Variants in SPCS1 observed in about 807,000 individuals in gnomAD.
The protein encoded by SPCS1 is SPase 12 kDa subunit.
Under a neutral mutation model 16.4 loss-of-function variants are expected in SPCS1, and 10 were observed. The observed-to-expected ratio is 0.61, with a 90% CI of 0.38 to 1.03. The LOEUF is 1.03. Among genes scored for constraint, SPCS1 ranks in the 50% least tolerant of loss-of-function variants. The probability of loss-of-function intolerance (pLI) is 0.01; values close to 1 mark genes in which losing one functional copy is unlikely to be tolerated. For missense variants in SPCS1, 118 were observed against 123.8 expected (o/e 0.95, Z 0.22); for synonymous variants, 47 against 42.5 (o/e 1.10, Z -0.41).
chr3:52,707,573 T>G (rs947192845), intron 3 of SPCS1, 114 bp from the exon 4 acceptor site: 18 of 1,120,692 alleles, frequency 1.6e-5, no homozygotes, highest in African/African-American at 4.8e-5. Context: ...GGATTTTTTT[T>G]TTTGTTTTTT....
Position 52,707,810 on chromosome 3 carries a change from T to A in SPCS1, c.307T>A (p.Ter103ArgextTer14), listed in dbSNP as rs367696178. The A allele has an allele frequency of 1.5e-5, 24 of 1,613,862 alleles. No homozygotes were observed. Among genetic ancestry groups the A allele is most frequent in the Non-Finnish European group, 2.0e-5 (24 of 1,179,944 alleles). ...AATTAAGAGGCATGCTAAAAATAAT[T>A]GAGGTTTTCATGATTCAGCACCTGC... The part of the protein sequence containing the change: ...RKIKRHAKNN[*>R] The change falls in exon 4 of 4, where the codon TGA (stop) becomes AGA (arginine). Residue 103 changes from the stop codon to arginine, a stop_lost. Transcript: ENST00000619898.
Position 52,710,214 on chromosome 3 carries a change from A to AATT in SPCS1, c.*2404_*2406dup, listed in dbSNP as rs1410075685. 6.6e-6 allele frequency: 1 copy of AATT among 151,554 alleles called. No individual in the cohort carries two copies. Among genetic ancestry groups the AATT allele is most frequent in the Non-Finnish European group, 1.5e-5 (1 of 67,880 alleles). 9.4% of individuals were successfully genotyped at this position (151,554 alleles called of 1,614,324 possible). ...TGTCTCTACTAAAAAAATACAAAAA[A>AATT]ATTAGCCGGGCATGGTGGCGGGCAA... On this transcript the variant is annotated 3_prime_UTR_variant, in exon 4 of 4. Transcript: ENST00000619898.
At position 52,708,443 on chromosome 3, in the gene SPCS1, G is replaced by A. The variant is rs1188636012; in HGVS notation, c.*631G>A. 6.6e-6 allele frequency: 1 copy of A among 152,314 alleles called. No homozygotes were observed. The highest frequency in any genetic ancestry group is 6.5e-5 in the Admixed American group (1 of 15,298). 9.4% of individuals were successfully genotyped at this position (152,314 alleles called of 1,614,324 possible). ...CCCAGTACATAGAAGAGTACACGATGCATTGTTAAGTACTTAAGATTTATT... is the reference window on the plus strand; with the variant it reads ...CCCAGTACATAGAAGAGTACACGATACATTGTTAAGTACTTAAGATTTATT... On this transcript the variant is annotated 3_prime_UTR_variant, in exon 4 of 4. Transcript: ENST00000619898.
chr3:52,706,131 AAGGCCCGGCTACTGACGCGC>A lies in SPCS1; in HGVS notation c.-113_-94del. ...GCCGCCATCGCTCTCCCGGGCTTAG[AAGGCCCGGCTACTGACGCGC>A]AGTGCCAGACCTTACCCCTCACGGT... On this transcript the variant is annotated 5_prime_UTR_variant, in exon 1 of 4. Transcript: ENST00000619898. The A allele has an allele frequency of 6.5e-7, 1 of 1,540,400 alleles. No individual in the cohort carries two copies. Among genetic ancestry groups the A allele is most frequent in the Non-Finnish European group, 8.7e-7 (1 of 1,146,928 alleles).
chr3:52,706,946 C>T (rs781158462), intron 3 of SPCS1, 67 bp downstream of exon 3: 5 of 1,132,714 alleles, frequency 4.4e-6, no homozygotes, highest in Non-Finnish European at 6.7e-6. Context: ...GTTAGACCTA[C>T]TCAGTAGTGA....
rs1242573706 is a variant in SPCS1, at chr3:52,707,071, C to T, written c.183+192C>T. Reference sequence around the variant, plus strand: ...GTGCGAACTATATAAAAGGACACAGCTTATTTCCTTTGGCGGCTACTCTGG... The same window carrying T: ...GTGCGAACTATATAAAAGGACACAGTTTATTTCCTTTGGCGGCTACTCTGG... On this transcript the variant is annotated intron_variant, in intron 3 of 3. Coordinates refer to ENST00000619898, the MANE Select transcript of SPCS1 (RefSeq NM_014041.5). The T allele has an allele frequency of 8.4e-6, 5 of 596,038 alleles. No homozygotes were observed. The Admixed American group carries it at 9.2e-5, about 11-fold the overall frequency. The allele number at this position is 596,038 out of a possible 1,614,324, so 36.9% of individuals were successfully genotyped here.
Position 52,708,093 on chromosome 3 carries a change from C to A in SPCS1, c.*281C>A. On this transcript the variant is annotated 3_prime_UTR_variant, in exon 4 of 4. Transcript: ENST00000619898. ...AATAAATGCCTCATAAATGATAGTA[C>A]AATGTAACTATCAAAGTTTTATAAT... 4.3e-6 allele frequency: 1 copy of A among 233,080 alleles called. No individual in the cohort carries two copies. Among genetic ancestry groups the A allele is most frequent in the Admixed American group, 5.1e-5 (1 of 19,792 alleles). The allele number at this position is 233,080 out of a possible 1,614,324, so 14.4% of individuals were successfully genotyped here. A position where few individuals can be genotyped will look rare whatever the true frequency, so the allele number is the denominator to read the frequency against.
In SPCS1 at chr3:52,706,562, G is replaced by A. The variant is rs138110000; in HGVS notation, c.37-82G>A. ...GAGACCCTGATGTTGGGGTTACCCTGTGCCAGAGTTGTGAGGTCAGGGCAG... is the reference window on the plus strand; with the variant it reads ...GAGACCCTGATGTTGGGGTTACCCTATGCCAGAGTTGTGAGGTCAGGGCAG... On this transcript the variant is annotated intron_variant, in intron 1 of 3. Transcript: ENST00000619898. 4 of 1,321,594 alleles carry A rather than the reference G, an allele frequency of 3.0e-6. No individual in the cohort carries two copies. In the East Asian group the frequency reaches 6.9e-5, roughly 23 times the overall value. The allele number at this position is 1,321,594 out of a possible 1,614,324, so 81.9% of individuals were successfully genotyped here. A position where few individuals can be genotyped will look rare whatever the true frequency, so the allele number is the denominator to read the frequency against.
In SPCS1 at chr3:52,706,806, T is replaced by C. The variant is rs766638982; in HGVS notation, c.110T>C (p.Ile37Thr). Residue 37 changes from isoleucine (I) to threonine (T), a missense_variant, in exon 3 of 4, where the codon ATC becomes ACC. Ile to Thr is a moderately conservative substitution (Grantham distance 89). Coordinates refer to ENST00000619898, the MANE Select transcript of SPCS1 (RefSeq NM_014041.5). The stretch of plus-strand genomic sequence containing the variant: ...ATTTGTCTCTAGATAGTTGGATTTA[T>C]CTACGGGTACGTGGCTGAACAGTTC... ...IILFSAIVGF[I>T]YGYVAEQFGW... The C allele has an allele frequency of 1.1e-5, 17 of 1,614,024 alleles. No individual in the cohort carries two copies. Among genetic ancestry groups the C allele is most frequent in the Non-Finnish European group, 1.4e-5 (17 of 1,179,952 alleles).
intron 3 of SPCS1, 151 bp downstream of exon 3, chr3:52,707,030 A>G (rs1294778803): frequency 2.9e-6 from 2 of 687,924 alleles, no homozygotes; most frequent in African/African-American, 3.6e-5. Context: ...GTAGAATGCC[A>G]AAATAGTGTC....
chr3:52,709,951 A>T lies in SPCS1; in HGVS notation c.*2139A>T, dbSNP rs1415886569. 6.6e-6 allele frequency: 1 copy of T among 152,186 alleles called. No individual in the cohort carries two copies. Among genetic ancestry groups the T allele is most frequent in the Non-Finnish European group, 1.5e-5 (1 of 68,040 alleles). 9.4% of individuals were successfully genotyped at this position (152,186 alleles called of 1,614,324 possible). A position where few individuals can be genotyped will look rare whatever the true frequency, so the allele number is the denominator to read the frequency against. ...CTAGCAAACCCTTCAAAGTGAAAAT[A>T]AGAGTTATCAGAAACCAGGCTGTGA... On this transcript the variant is annotated 3_prime_UTR_variant, in exon 4 of 4. Transcript: ENST00000619898.
rs554799107 is a variant in SPCS1 at position 52,706,116 on chromosome 3, C to T, written c.-131C>T. 3 of 1,539,508 alleles carry T rather than the reference C, an allele frequency of 1.9e-6. No individual in the cohort carries two copies. Among genetic ancestry groups the T allele is most frequent in the South Asian group, 2.4e-5 (2 of 84,018 alleles). ...TCCGCTTCCGGGGCCGCCGCCATCG[C>T]TCTCCCGGGCTTAGAAGGCCCGGCT... On this transcript the variant is annotated 5_prime_UTR_variant, in exon 1 of 4. Coordinates refer to ENST00000619898, the MANE Select transcript of SPCS1 (RefSeq NM_014041.5).
chr3:52,706,730 C>T (rs1238662545), intron 2 of SPCS1, 27 bp downstream of exon 2: 5 of 1,608,816 alleles, frequency 3.1e-6, no homozygotes, highest in African/African-American at 1.3e-5. Context: ...CATTTAATCT[C>T]CGCCCCCGCC....
chr3:52,706,866 C>G lies in SPCS1; in HGVS notation c.170C>G (p.Ala57Gly), dbSNP rs769133807. 2 of 1,613,794 alleles carry G rather than the reference C, an allele frequency of 1.2e-6. No individual in the cohort carries two copies. The highest frequency in any genetic ancestry group is 1.7e-6 in the Non-Finnish European group (2 of 1,179,814). Reference sequence around the variant, plus strand: ...GTCTATATAGTTATGGCCGGATTTGCTTTTTCATGTTTGGTAAGAAATTTG... The same window carrying G: ...GTCTATATAGTTATGGCCGGATTTGGTTTTTCATGTTTGGTAAGAAATTTG... ...WTVYIVMAGF[A>G]FSCLLTLPPW... Residue 57 changes from alanine to glycine, a missense_variant, in exon 3 of 4, where the codon GCT (alanine) becomes GGT (glycine). By Grantham distance (60) the Ala-to-Gly change is moderately conservative (BLOSUM62 0). Transcript: ENST00000619898.
chr3:52,706,432 C>G, intron 1 of SPCS1, 150 bp downstream of exon 1: 1 of 894,340 alleles, frequency 1.1e-6, no homozygotes, highest in Admixed American at 2.8e-5. Flanking sequence ...GGGTCCCCTT[C>G]TCTTCTACTC....
Position 52,707,673 on chromosome 3 carries a change from C to G in SPCS1, c.184-14C>G, listed in dbSNP as rs779413443. ...AATAGCTATAATTTATGCATTTCCT[C>G]TTTTCTGGCCCAGCTGACACTTCCT... On this transcript the variant is annotated splice_polypyrimidine_tract_variant and intron_variant, in intron 3 of 3. Transcript: ENST00000619898. The G allele has an allele frequency of 1.7e-5, 27 of 1,608,546 alleles. No homozygotes were observed. Among genetic ancestry groups the G allele is most frequent in the Non-Finnish European group, 2.0e-5 (24 of 1,178,144 alleles).
chr3:52,707,583 T>C (rs2097345898), intron 3 of SPCS1, 104 bp from the exon 4 acceptor site: 1 of 1,266,896 alleles, frequency 7.9e-7, no homozygotes. Context: ...TTTTGTTTTT[T>C]TGTTCCCTCA....
rs750112918 is a variant in SPCS1, at chr3:52,706,169, C to G, written c.-78C>G. 136 of 1,546,784 alleles carry G rather than the reference C, an allele frequency of 8.8e-5. No individual in the cohort carries two copies. Among genetic ancestry groups the G allele is most frequent in the Non-Finnish European group, 1.1e-4 (127 of 1,150,696 alleles). On this transcript the variant is annotated 5_prime_UTR_variant, in exon 1 of 4. Transcript: ENST00000619898. Reference sequence around the variant, plus strand: ...TGACGCGCAGTGCCAGACCTTACCCCTCACGGTCCTTAAGTCTCGGTCGCC... The same window carrying G: ...TGACGCGCAGTGCCAGACCTTACCCGTCACGGTCCTTAAGTCTCGGTCGCC...
At position 52,706,273 on chromosome 3, in the gene SPCS1, C is replaced by T. The variant is rs1250311238; in HGVS notation, c.27C>T (p.Pro9=). Residue 9 remains proline, a synonymous_variant, in exon 1 of 4, where the codon CCC becomes CCT. Coordinates refer to ENST00000619898, the MANE Select transcript of SPCS1 (RefSeq NM_014041.5). The part of the protein sequence containing the change: MLEHLSSL[P]TQMDYKGQKL... Reference sequence around the variant, plus strand: ...TGCTGGAGCATCTGAGCTCGCTGCCCACGCAGATGGTGAGGGCGCAACCCG... The same window carrying T: ...TGCTGGAGCATCTGAGCTCGCTGCCTACGCAGATGGTGAGGGCGCAACCCG... The T allele has an allele frequency of 4.4e-6, 7 of 1,595,554 alleles. No individual in the cohort carries two copies. In the African/African-American group the frequency reaches 8.0e-5, roughly 18 times the overall value.
Sources: gnomAD v4.1 joint callset for allele counts on GRCh38, gnomAD v4.1.1 for gene constraint, MANE v1.5 for transcripts, NCBI Gene and HGNC (gene_info 2026-07-23, HGNC 2026-07-21) for gene names.